The following GREM2 variants were observed in gnomAD, a reference collection of about 807,000 sequenced individuals.
GREM2 encodes gremlin 2, DAN family BMP antagonist.
A neutral mutation model predicts 14.2 loss-of-function variants in GREM2; 11 were observed. The ratio of observed to expected loss-of-function variants is 0.78; its 90% CI spans 0.49 to 1.28. The LOEUF is 1.28. Among genes scored for constraint, GREM2 ranks in the 50% most tolerant of loss-of-function variants. The pLI is 0.00. For missense variants in GREM2, 210 were observed against 218.5 expected, an observed-to-expected ratio of 0.96 and a Z score of 0.24; for synonymous variants, 98 against 97.6, an observed-to-expected ratio of 1.00 and a Z score of -0.02.
intron 1 of GREM2, among the ~76,000 whole-genome samples, chr1:240,549,178 A>G (rs964896024): frequency 1.3e-5 from 2 of 152,156 alleles, no homozygotes; most frequent in Non-Finnish European, 2.9e-5. Context: ...TCTACTAAAA[A>G]TACAAAAATT....
intron 1 of GREM2, among the ~76,000 whole-genome samples, chr1:240,603,744 T>C (rs1338767063): frequency 6.6e-6 from 1 of 152,102 alleles, no homozygotes; most frequent in Non-Finnish European, 1.5e-5. Context: ...AGGCAAGCTA[T>C]ATATACATAC....
At chr1:240,499,572 T>A (rs1677517987) in intron 1 of GREM2, among the ~76,000 whole-genome samples, 1 of 152,190 alleles carries the variant, frequency 6.6e-6, no homozygotes, top group Non-Finnish European at 1.5e-5. Flanking sequence ...AGGCACTTCA[T>A]CGATGACTTG....
Position 240,492,950 on chromosome 1 carries a change from G to T in GREM2, c.*19C>A. The stretch of plus-strand genomic sequence containing the variant: ...AGCGGCCGGGCGCGCGCGGGGCTGA[G>T]CTGCGTCCGGCCCGGCGCTCACTGC... On this transcript the variant is annotated 3_prime_UTR_variant, in exon 2 of 2. Coordinates refer to ENST00000318160, the MANE Select transcript of GREM2 (RefSeq NM_022469.4). 2.7e-6 allele frequency: 4 copies of T among 1,496,556 alleles called. No homozygotes were observed. Among genetic ancestry groups the T allele is most frequent in the Non-Finnish European group, 3.6e-6 (4 of 1,120,764 alleles). 92.7% of individuals were successfully genotyped at this position (1,496,556 alleles called of 1,614,324 possible). A position where few individuals can be genotyped will look rare whatever the true frequency, so the allele number is the denominator to read the frequency against.
chr1:240,563,611 G>A (rs994167564), intron 1 of GREM2, among the ~76,000 whole-genome samples: 3 of 152,086 alleles, frequency 2.0e-5, no homozygotes, highest in Non-Finnish European at 2.9e-5. Flanking sequence ...AACCTTAGGC[G>A]GTCTCTATAG....
chr1:240,559,340 CT>C (rs61006579), intron 1 of GREM2, among the ~76,000 whole-genome samples: 1,315 of 110,052 alleles, frequency 0.012, 4 homozygotes, highest in African/African-American at 0.034. Flanking sequence ...ATCAAAAAGT[CT>C]TTTTTTTTTT....
intron 1 of GREM2, among the ~76,000 whole-genome samples, chr1:240,546,146 C>A (rs1046925419): frequency 6.6e-6 from 1 of 151,818 alleles, no homozygotes. Flanking sequence ...AGCAGCCTGG[C>A]CAACATGGTG....
chr1:240,495,631 G>T (rs1384304823), intron 1 of GREM2, among the ~76,000 whole-genome samples: 1 of 152,158 alleles, frequency 6.6e-6, no homozygotes, highest in African/African-American at 2.4e-5. Flanking sequence ...CTAAGGCATT[G>T]ACAGGCTGCC....
rs555627322 is a variant in GREM2 at position 240,549,620 on chromosome 1, C to A, written c.-1-56144G>T. Reference sequence around the variant, plus strand: ...CACAGAACTGAGACATCTGGAAAGGCCTTGGTCTTGGAGAAGAGGAGCTAC... The same window carrying A: ...CACAGAACTGAGACATCTGGAAAGGACTTGGTCTTGGAGAAGAGGAGCTAC... On this transcript the variant is annotated intron_variant, in intron 1 of 1. Transcript: ENST00000318160. 6.4e-4 allele frequency among the ~76,000 whole-genome samples: 97 copies of A among 152,214 alleles called. 1 individual carries two copies. Among genetic ancestry groups the A allele is most frequent in the Non-Finnish European group, 2.9e-4 (20 of 68,024 alleles).
At chr1:240,514,805 C>T (rs545070722) in intron 1 of GREM2, among the ~76,000 whole-genome samples, 36 of 152,230 alleles carry the variant, frequency 2.4e-4, no homozygotes, top group African/African-American at 8.7e-4. Context: ...GAGGCCGAGG[C>T]AGAAGGATAG....
At chr1:240,596,395 C>T (rs1679818288) in intron 1 of GREM2, among the ~76,000 whole-genome samples, 1 of 152,114 alleles carries the variant, frequency 6.6e-6, no homozygotes. Flanking sequence ...TATGCAATCA[C>T]CCTATAAAAC....
chr1:240,534,427 C>T (rs983823697), intron 1 of GREM2, among the ~76,000 whole-genome samples: 3 of 152,124 alleles, frequency 2.0e-5, no homozygotes, highest in African/African-American at 4.8e-5. Flanking sequence ...CAGTGGCTCA[C>T]GCCTGTAATC....
At chr1:240,582,927 A>C (rs1050426519) in intron 1 of GREM2, among the ~76,000 whole-genome samples, 2 of 152,212 alleles carry the variant, frequency 1.3e-5, no homozygotes, top group Admixed American at 6.5e-5. Context: ...CTTCTCAGAA[A>C]ACTATTTCTG....
Position 240,573,562 on chromosome 1 carries a change from G to A in GREM2, c.-2+38322C>T, listed in dbSNP as rs542942163. Among the ~76,000 whole-genome samples the A allele has an allele frequency of 6.4e-4, 98 of 152,144 alleles. 1 individual carries two copies. The highest frequency in any genetic ancestry group is 3.1e-3 in the South Asian group (15 of 4,812). ...GTTCTGACACCCTCTTAAGTCCTAC[G>A]CCAGAGGCGCTCTGGTCTTGCCCTG... is the stretch of plus-strand genomic sequence containing the variant. On this transcript the variant is annotated intron_variant, in intron 1 of 1. Transcript: ENST00000318160.
intron 1 of GREM2, among the ~76,000 whole-genome samples, chr1:240,586,305 T>C (rs541360727): frequency 2.0e-5 from 3 of 152,276 alleles, no homozygotes; most frequent in South Asian, 4.1e-4. Context: ...AAAGTACAAG[T>C]CCATTTTTAT....
At chr1:240,597,261 T>A (rs1418545862) in intron 1 of GREM2, among the ~76,000 whole-genome samples, 1 of 152,228 alleles carries the variant, frequency 6.6e-6, no homozygotes, top group Non-Finnish European at 1.5e-5. Context: ...CAAAGGGCAC[T>A]CCTGAGCTAC....
intron 1 of GREM2, among the ~76,000 whole-genome samples, chr1:240,494,640 A>T (rs1176598842): frequency 6.6e-6 from 1 of 152,206 alleles, no homozygotes; most frequent in Non-Finnish European, 1.5e-5. Flanking sequence ...GTGAATTAAG[A>T]AATTTCCCTA....
At chr1:240,596,147 T>C (rs1679815478) in intron 1 of GREM2, among the ~76,000 whole-genome samples, 1 of 152,198 alleles carries the variant, frequency 6.6e-6, no homozygotes, top group Non-Finnish European at 1.5e-5. Flanking sequence ...ATTATTATTA[T>C]TGCATCATGA....
intron 1 of GREM2, among the ~76,000 whole-genome samples, chr1:240,588,200 T>A (rs1679638381): frequency 6.6e-6 from 1 of 152,248 alleles, no homozygotes; most frequent in South Asian, 2.1e-4. Context: ...TTTCAGTGTT[T>A]TCCCATTGCA....
At chr1:240,577,606 A>G (rs1490906682) in intron 1 of GREM2, among the ~76,000 whole-genome samples, 2 of 152,220 alleles carry the variant, frequency 1.3e-5, no homozygotes, top group East Asian at 3.8e-4. Flanking sequence ...TGAAAACCTC[A>G]ACTTGAAAAA....
Sources: allele counts gnomAD v4.1 joint callset (sites outside exome capture counted in the v4.1 genomes callset), GRCh38; gene constraint gnomAD v4.1.1; transcripts MANE v1.5; gene names NCBI Gene and HGNC (gene_info 2026-07-23, HGNC 2026-07-21).